Variants in CIC observed in about 807,000 individuals in gnomAD.
The protein encoded by CIC is capicua transcriptional repressor, also known as protein capicua homolog.
A neutral mutation model predicts 115.7 loss-of-function variants in CIC; 18 were observed. The observed-to-expected ratio is 0.16, with a 90% confidence interval of 0.11 to 0.23. CIC has a LOEUF of 0.23. CIC is among the 10% of genes least tolerant of loss of function. The pLI is 1.00. For missense variants in CIC, 2,000 were observed against 2,159.3 expected (o/e 0.93, Z 1.46); for synonymous variants, 1,076 against 923.0 (o/e 1.17, Z -3.01).
At chr19:42,293,309 C>A in intron 16 of CIC, 28 bp downstream of exon 16, 1 of 1,545,580 alleles carries the variant, frequency 6.5e-7, no homozygotes, top group Non-Finnish European at 8.7e-7. Flanking sequence ...GTGGGGCTCC[C>A]ACTGCCACTT....
chr19:42,292,165 C>T lies in CIC; in HGVS notation c.5693C>T (p.Pro1898Leu), dbSNP rs1297236319. 1.2e-6 allele frequency: 2 copies of T among 1,614,012 alleles called. No homozygotes were observed. The highest frequency in any genetic ancestry group is 1.7e-6 in the Non-Finnish European group (2 of 1,180,020). The change falls in exon 13 of 21, where the codon CCC becomes CTC. Residue 1898 changes from proline to leucine, a missense_variant. Physicochemically the swap from Pro to Leu is moderately conservative, Grantham distance 98. Around this residue, in one of 8 missense-constraint regions of CIC, gnomAD observed 1,466 missense variants for 1,390.4 expected, o/e 1.05. Transcript: ENST00000681038. ...PPLSPATLPG[P>L]TSQPQKVLLP... ...CTGAGCCCAGCCACACTCCCTGGAC[C>T]CACCTCTCAGCCTCAGAAGGTCCTG... is the stretch of plus-strand genomic sequence containing the variant.
chr19:42,287,914 A>G lies in CIC; in HGVS notation c.3597A>G (p.Gly1199=). 1 of 1,609,406 alleles carries G rather than the reference A, an allele frequency of 6.2e-7. No individual in the cohort carries two copies. The highest frequency in any genetic ancestry group is 8.5e-7 in the Non-Finnish European group (1 of 1,178,056). The change falls in exon 7 of 21, where the codon GGA becomes GGG. Residue 1199 remains glycine, a synonymous_variant. Transcript: ENST00000681038. The surrounding 1 kb of genome is among the most constrained non-coding windows in gnomAD (Gnocchi z 8.7). The part of the protein sequence containing the change: ...EAKPTSLGLA[G]GHKETRERSM... The stretch of plus-strand genomic sequence containing the variant: ...AGCCCACGAGCCTGGGGCTGGCAGG[A>G]GGGCACAAGGAGACGCGGGAGCGGA...
intron 2 of CIC, among the ~76,000 whole-genome samples, chr19:42,275,462 C>G (rs2036938750): frequency 6.6e-6 from 1 of 152,090 alleles, no homozygotes; most frequent in South Asian, 2.1e-4. Flanking sequence ...GATGGGACAG[C>G]CCCAAGGCCA....
intron 2 of CIC, among the ~76,000 whole-genome samples, chr19:42,275,637 G>C (rs1215128399): frequency 6.6e-6 from 1 of 152,142 alleles, no homozygotes; most frequent in African/African-American, 2.4e-5. Flanking sequence ...CCTGTCGGAA[G>C]CTCCTTCCTA....
chr19:42,286,645 C>T (rs1415903604), intron 2 of CIC, 126 bp from the exon 3 acceptor site: 1 of 1,184,192 alleles, frequency 8.4e-7, no homozygotes, highest in Non-Finnish European at 1.2e-6. Context: ...GTCCAAGAGG[C>T]TCTGGTGTTG....
chr19:42,281,420 C>T (rs1457838768), intron 2 of CIC, among the ~76,000 whole-genome samples: 2 of 152,200 alleles, frequency 1.3e-5, no homozygotes, highest in Non-Finnish European at 2.9e-5. Context: ...GTCTGGGTTC[C>T]CTGTCCCCAG....
At chr19:42,282,616 C>T (rs1441652612) in intron 2 of CIC, among the ~76,000 whole-genome samples, 1 of 152,244 alleles carries the variant, frequency 6.6e-6, no homozygotes, top group African/African-American at 2.4e-5. Context: ...AGTTCCCTCC[C>T]TGGGTCCACC....
In CIC at chr19:42,287,477, C is replaced by T. The variant is rs2037742800; in HGVS notation, c.3309+28C>T. 2 of 1,612,312 alleles carry T rather than the reference C, an allele frequency of 1.2e-6. No homozygotes were observed. The highest frequency in any genetic ancestry group is 1.7e-6 in the Non-Finnish European group (2 of 1,180,022). Reference sequence around the variant, plus strand: ...ACTTTATCCCTGCCTGTCCTGTGCTCACCCCGTGGCCACCCACACCTGTCT... The same window carrying T: ...ACTTTATCCCTGCCTGTCCTGTGCTTACCCCGTGGCCACCCACACCTGTCT... On this transcript the variant is annotated intron_variant, in intron 5 of 20. Transcript: ENST00000681038. This position sits in a 1 kb window ranked among gnomAD's most constrained non-coding sequence, Gnocchi z 8.7.
At position 42,270,689 on chromosome 19, in the gene CIC, G is replaced by C. The variant is rs551286820; in HGVS notation, c.-10-1085G>C. On this transcript the variant is annotated intron_variant, in intron 1 of 20. Coordinates refer to ENST00000681038, the MANE Select transcript of CIC (RefSeq NM_001386298.1). This position sits in a 1 kb window ranked among gnomAD's most constrained non-coding sequence, Gnocchi z 4.1. ...CTGCCAGAGCCAGCCCAGCCAGGGC[G>C]GGGATGCATGCAGGCAAGAAGAGGG... Among the ~76,000 whole-genome samples the C allele has an allele frequency of 6.6e-6, 1 of 152,078 alleles. No individual in the cohort carries two copies. Among genetic ancestry groups the C allele is most frequent in the Admixed American group, 6.5e-5 (1 of 15,274 alleles).
rs1568514291 is a variant in CIC at position 42,290,612 on chromosome 19, C to T, written c.4571C>T (p.Ser1524Leu). 1 of 1,613,862 alleles carries T rather than the reference C, an allele frequency of 6.2e-7. No homozygotes were observed. The highest frequency in any genetic ancestry group is 8.5e-7 in the Non-Finnish European group (1 of 1,179,986). ...SVGGLEPPGP[S>L]VIAAPPSGGG... Reference sequence around the variant, plus strand: ...GGTGGCCTGGAGCCACCAGGCCCCTCAGTCATCGCGGCCCCTCCCAGCGGA... The same window carrying T: ...GGTGGCCTGGAGCCACCAGGCCCCTTAGTCATCGCGGCCCCTCCCAGCGGA... The change falls in exon 11 of 21, where the codon TCA (serine) becomes TTA (leucine). Residue 1524 changes from serine (S) to leucine (L), a missense_variant. Coordinates refer to ENST00000681038, the MANE Select transcript of CIC (RefSeq NM_001386298.1).
chr19:42,282,178 C>T (rs2037288047), intron 2 of CIC, among the ~76,000 whole-genome samples: 1 of 152,182 alleles, frequency 6.6e-6, no homozygotes, highest in South Asian at 2.1e-4. Flanking sequence ...CTCTGGTTGC[C>T]CCTCCAGGCT....
chr19:42,281,494 G>A (rs1010455620), intron 2 of CIC, among the ~76,000 whole-genome samples: 1 of 152,182 alleles, frequency 6.6e-6, no homozygotes, highest in African/African-American at 2.4e-5. Flanking sequence ...TTGGTTAGGG[G>A]TTGGTGCAGG....
Position 42,293,060 on chromosome 19 carries a change from T to G in CIC, c.6301T>G (p.Phe2101Val). The change falls in exon 16 of 21, where the codon TTT (phenylalanine) becomes GTT (valine). Residue 2101 changes from phenylalanine (F) to valine (V), a missense_variant. Phe to Val is a conservative substitution (Grantham distance 50). This residue lies in a region of CIC where 1,466 missense variants were observed against 1,390.4 expected (regional missense o/e 1.05). Transcript: ENST00000681038. The part of the protein sequence containing the change: ...AAIASIPVGS[F>V]EAGASGRPGP... ...CATCGCCAGCATTCCCGTGGGGTCC[T>G]TTGAGGCAGGTGCCTCTGGGCGGCC... 6.2e-7 allele frequency: 1 copy of G among 1,612,440 alleles called. No homozygotes were observed. The highest frequency in any genetic ancestry group is 8.5e-7 in the Non-Finnish European group (1 of 1,179,648).
At chr19:42,289,745 C>T (rs2147241053) in intron 9 of CIC, 103 bp from the exon 10 acceptor site, 2 of 1,058,490 alleles carry the variant, frequency 1.9e-6, no homozygotes, top group Non-Finnish European at 2.9e-6. Flanking sequence ...GGACAGCACT[C>T]CCTGCCGGTT....
Position 42,291,597 on chromosome 19 carries a change from G to T in CIC, c.5465G>T (p.Gly1822Val). Reference protein sequence around the residue: ...VSPVQAPPPGGSAQLLPGKVL... With the variant: ...VSPVQAPPPGVSAQLLPGKVL... ...CCCGTGCAGGCCCCGCCCCCGGGTGGCTCAGCCCAGCTGCTGCCTGGGAAG... is the reference window on the plus strand; with the variant it reads ...CCCGTGCAGGCCCCGCCCCCGGGTGTCTCAGCCCAGCTGCTGCCTGGGAAG... Residue 1822 changes from glycine to valine, a missense_variant, in exon 12 of 21, where the codon GGC (glycine) becomes GTC (valine). By Grantham distance (109) the Gly-to-Val change is moderately radical. Around this residue, in one of 8 missense-constraint regions of CIC, gnomAD observed 1,466 missense variants for 1,390.4 expected, o/e 1.05. Transcript: ENST00000681038. The T allele has an allele frequency of 1.2e-6, 2 of 1,612,982 alleles. No homozygotes were observed. The highest frequency in any genetic ancestry group is 1.7e-6 in the Non-Finnish European group (2 of 1,179,986).
rs2037174940 is a variant in CIC, at chr19:42,280,384, C to T, written c.2794+5807C>T. ...CGGGGGCTGTGTAGAAGCGGACTGGCACCCAGCGAGGGCCGCGCCCAGCCC... is the reference window on the plus strand; with the variant it reads ...CGGGGGCTGTGTAGAAGCGGACTGGTACCCAGCGAGGGCCGCGCCCAGCCC... On this transcript the variant is annotated intron_variant, in intron 2 of 20. Coordinates refer to ENST00000681038, the MANE Select transcript of CIC (RefSeq NM_001386298.1). The surrounding 1 kb of genome is among the most constrained non-coding windows in gnomAD (Gnocchi z 4.9). Among the ~76,000 whole-genome samples, 1 of 152,250 alleles carries T rather than the reference C, an allele frequency of 6.6e-6. No homozygotes were observed. The highest frequency in any genetic ancestry group is 3.4e-3 in the Middle Eastern group (1 of 294).
At chr19:42,289,635 G>T (rs2037925938) in intron 9 of CIC, among the ~76,000 whole-genome samples, 1 of 152,228 alleles carries the variant, frequency 6.6e-6, no homozygotes, top group African/African-American at 2.4e-5. Flanking sequence ...ATCTTCAGGT[G>T]CAGTGTTAGG....
chr19:42,291,870 G>A, intron 12 of CIC, 125 bp downstream of exon 12: 1 of 1,358,428 alleles, frequency 7.4e-7, no homozygotes, highest in Admixed American at 1.7e-5. Context: ...CATCTTCCGT[G>A]ATGTCTCTGT....
rs756844060 is a variant in CIC at position 42,289,834 on chromosome 19, C to T, written c.4088-14C>T. On this transcript the variant is annotated splice_polypyrimidine_tract_variant and intron_variant, in intron 9 of 20. Coordinates refer to ENST00000681038, the MANE Select transcript of CIC (RefSeq NM_001386298.1). ...TCTAGCCCCCTCCCCATACTGTTCC[C>T]TCCACTCCCTCAGCTGACGATGGCT... 1.8e-5 allele frequency: 29 copies of T among 1,578,272 alleles called. 1 individual carries two copies. In the South Asian group the frequency reaches 2.8e-4, roughly 15 times the overall value.
Sources: gnomAD v4.1 joint callset for allele counts (sites outside exome capture counted in the v4.1 genomes callset) on GRCh38, gnomAD v4.1.1 for gene constraint, gnomAD v4.1.1 regional missense constraint, Gnocchi (gnomAD v3.1) non-coding constraint, MANE v1.5 for transcripts, NCBI Gene and HGNC (gene_info 2026-07-23, HGNC 2026-07-21) for gene names.